ARRB1: variants seen among roughly 807,000 people sequenced by gnomAD.
The protein encoded by ARRB1 is arrestin beta 1.
In ARRB1, 21 loss-of-function variants were observed where a neutral mutation model predicts 56.8. The ratio of observed to expected loss-of-function variants is 0.37; its 90% CI spans 0.26 to 0.53. The LOEUF (loss-of-function observed/expected upper bound fraction) is 0.53. Among genes scored for constraint, ARRB1 ranks in the 20% least tolerant of loss-of-function variants. The probability of loss-of-function intolerance (pLI) is 0.88; values close to 1 mark genes in which losing one functional copy is unlikely to be tolerated. For missense variants in ARRB1, 424 were observed against 553.7 expected (o/e 0.77, Z 2.35); for synonymous variants, 210 against 218.6 (o/e 0.96, Z 0.35).
intron 1 of ARRB1, among the ~76,000 whole-genome samples, chr11:75,323,512 C>G (rs138040244): frequency 4.6e-5 from 7 of 151,932 alleles, no homozygotes; most frequent in African/African-American, 1.7e-4. Flanking sequence ...CCCAGCTACT[C>G]GGGAGGCTGA....
At chr11:75,278,072 A>C (rs1290702803) in intron 8 of ARRB1, among the ~76,000 whole-genome samples, 1 of 152,180 alleles carries the variant, frequency 6.6e-6, no homozygotes, top group Admixed American at 6.5e-5. Context: ...AAAAGACCTC[A>C]ACTTGCATCT....
At chr11:75,345,875 A>G (rs534759015) in intron 1 of ARRB1, among the ~76,000 whole-genome samples, 1 of 152,296 alleles carries the variant, frequency 6.6e-6, no homozygotes, top group African/African-American at 2.4e-5. Context: ...AAAAATTTTC[A>G]GTCCAGTTCA....
Position 75,274,245 on chromosome 11 carries a change from C to T in ARRB1, c.777-34G>A, listed in dbSNP as rs757782555. ...AAAGGAAGCAGCTGTGGAGATGGCC[C>T]TCCCCAGAGCCAACCCCAGCCCTGA... On this transcript the variant is annotated intron_variant, in intron 10 of 15. Transcript: ENST00000420843. 5 of 1,610,330 alleles carry T rather than the reference C, an allele frequency of 3.1e-6. No individual in the cohort carries two copies. The African/African-American group carries it at 4.0e-5, about 13-fold the overall frequency.
intron 2 of ARRB1, among the ~76,000 whole-genome samples, chr11:75,287,948 C>T (rs976553766): frequency 2.0e-5 from 3 of 152,086 alleles, no homozygotes; most frequent in Non-Finnish European, 4.4e-5. Flanking sequence ...CTGCAACCTC[C>T]GCCTCCCAGG....
At chr11:75,345,845 T>C (rs1032637582) in intron 1 of ARRB1, among the ~76,000 whole-genome samples, 2 of 152,106 alleles carry the variant, frequency 1.3e-5, no homozygotes, top group Non-Finnish European at 2.9e-5. Context: ...CCTGGACCGA[T>C]AGCAGAGGCA....
intron 1 of ARRB1, among the ~76,000 whole-genome samples, chr11:75,296,605 T>C (rs1300360720): frequency 6.6e-6 from 1 of 152,158 alleles, no homozygotes; most frequent in Non-Finnish European, 1.5e-5. Context: ...GGAACCCAAA[T>C]GAAGTACCTT....
chr11:75,337,352 C>G (rs923312023), intron 1 of ARRB1, among the ~76,000 whole-genome samples: 6 of 152,128 alleles, frequency 3.9e-5, no homozygotes, highest in Non-Finnish European at 8.8e-5. Flanking sequence ...GATGACACAG[C>G]AAGATCCTAT....
chr11:75,277,518 A>T (rs1946227965), intron 8 of ARRB1, 70 bp from the exon 9 acceptor site: 1 of 1,392,758 alleles, frequency 7.2e-7, no homozygotes, highest in East Asian at 2.3e-5. Context: ...GGAGGGAGAA[A>T]AGCCCCCACG....
intron 1 of ARRB1, among the ~76,000 whole-genome samples, chr11:75,339,156 CAT>C (rs963531001): frequency 2.0e-5 from 3 of 152,246 alleles, no homozygotes; most frequent in African/African-American, 7.2e-5. Flanking sequence ...TCTCCTAAGA[CAT>C]AGTTTCTCAA....
intron 10 of ARRB1, among the ~76,000 whole-genome samples, chr11:75,275,162 T>TTTTATTTTA (rs1946173408): frequency 8.4e-5 from 1 of 11,858 alleles, no homozygotes; most frequent in African/African-American, 2.9e-4. Context: ...ATTTTATTTT[T>TTTTATTTTA]TTGAGACAGA....
intron 1 of ARRB1, among the ~76,000 whole-genome samples, chr11:75,329,465 A>T (rs1947487241): frequency 6.6e-6 from 1 of 152,134 alleles, no homozygotes; most frequent in African/African-American, 2.4e-5. Context: ...GGGTTCAGGG[A>T]TCTAGAATTC....
Position 75,351,618 on chromosome 11 carries a change from G to T in ARRB1, c.-11C>A, listed in dbSNP as rs776620987. 1 of 1,412,776 alleles carries T rather than the reference G, an allele frequency of 7.1e-7. No individual in the cohort carries two copies. Among genetic ancestry groups the T allele is most frequent in the South Asian group, 1.4e-5 (1 of 69,754 alleles). 87.5% of individuals were successfully genotyped at this position (1,412,776 alleles called of 1,614,324 possible). ...CCCTTTGTCGCCCATGGTCCGCGACGGTCGCAGGGAGGTCCGCGGCGTCAG... is the reference window on the plus strand; with the variant it reads ...CCCTTTGTCGCCCATGGTCCGCGACTGTCGCAGGGAGGTCCGCGGCGTCAG... On this transcript the variant is annotated 5_prime_UTR_variant, in exon 1 of 16. Transcript: ENST00000420843.
intron 1 of ARRB1, among the ~76,000 whole-genome samples, chr11:75,295,686 A>G (rs553706102): frequency 3.7e-4 from 56 of 152,314 alleles, no homozygotes; most frequent in Non-Finnish European, 5.6e-4. Context: ...CATCTTTGGG[A>G]AGAGCATTCT....
At chr11:75,271,446 T>C (rs1946072491) in intron 13 of ARRB1, 1 of 402,102 alleles carries the variant, frequency 2.5e-6, no homozygotes, top group Non-Finnish European at 4.4e-6. Flanking sequence ...GACAGCTCTC[T>C]TGGGGGCCAC....
At chr11:75,325,510 CAG>C (rs1226721529) in intron 1 of ARRB1, among the ~76,000 whole-genome samples, 4 of 152,104 alleles carry the variant, frequency 2.6e-5, no homozygotes, top group Admixed American at 1.3e-4. Context: ...TTAGTAGAGA[CAG>C]GAGTTTCACC....
At chr11:75,326,217 G>A (rs1947431172) in intron 1 of ARRB1, among the ~76,000 whole-genome samples, 1 of 152,170 alleles carries the variant, frequency 6.6e-6, no homozygotes, top group South Asian at 2.1e-4. Context: ...GCTGCCGGAG[G>A]ATGTGCGAGA....
At chr11:75,288,918 C>A (rs1946544181) in intron 2 of ARRB1, among the ~76,000 whole-genome samples, 1 of 152,196 alleles carries the variant, frequency 6.6e-6, no homozygotes, top group South Asian at 2.1e-4. Context: ...AACCATGCTA[C>A]TGCCGCCTGA....
intron 1 of ARRB1, chr11:75,306,614 G>T: frequency 1.6e-6 from 2 of 1,289,170 alleles, no homozygotes; most frequent in Non-Finnish European, 2.0e-6. Flanking sequence ...CAGAAGCAGC[G>T]CCAAAGCAGT....
chr11:75,340,008 A>C (rs1176520717), intron 1 of ARRB1, among the ~76,000 whole-genome samples: 1 of 152,232 alleles, frequency 6.6e-6, no homozygotes, highest in Non-Finnish European at 1.5e-5. Flanking sequence ...CGGGAGGCAG[A>C]GCAGAGCTGC....
Sources: allele counts gnomAD v4.1 joint callset (sites outside exome capture counted in the v4.1 genomes callset), GRCh38; gene constraint gnomAD v4.1.1; transcripts MANE v1.5; gene names NCBI Gene and HGNC (gene_info 2026-07-23, HGNC 2026-07-21).